IFNLR1: variants seen among roughly 807,000 people sequenced by gnomAD.
IFNLR1 encodes the protein CRF2-12.
IFNLR1 carries 28 observed loss-of-function variants against 52.5 expected under a neutral mutation model. The observed-to-expected ratio is 0.53, with a 90% CI of 0.40 to 0.73. The LOEUF is 0.73. Among genes scored for constraint, IFNLR1 ranks in the 30% least tolerant of loss-of-function variants. IFNLR1 has a pLI of 0.00. For missense variants in IFNLR1, 623 were observed against 659.1 expected, an observed-to-expected ratio of 0.95 and a Z score of 0.60; for synonymous variants, 276 against 274.9, an observed-to-expected ratio of 1.00 and a Z score of -0.04.
chr1:24,161,039 T>A (rs899329313), intron 4 of IFNLR1, among the ~76,000 whole-genome samples: 5 of 152,294 alleles, frequency 3.3e-5, no homozygotes, highest in African/African-American at 9.6e-5. Flanking sequence ...TAAACAGTTT[T>A]ACTGGAACCC....
At chr1:24,173,093 C>A (rs1569674320) in intron 2 of IFNLR1, among the ~76,000 whole-genome samples, 1 of 140,974 alleles carries the variant, frequency 7.1e-6, no homozygotes, top group Admixed American at 7.6e-5. Context: ...ACCTGATATA[C>A]TGGATTTTAT....
intron 3 of IFNLR1, among the ~76,000 whole-genome samples, chr1:24,165,330 T>C (rs554957396): frequency 1.3e-5 from 2 of 152,284 alleles, no homozygotes; most frequent in East Asian, 3.9e-4. Flanking sequence ...ACAGAACAAG[T>C]TTCTTCCTTT....
rs1644385104 is a variant in IFNLR1, at chr1:24,156,980, A to G, written c.*150T>C. Reference sequence around the variant, plus strand: ...GGGGCATCTTGTTGCTCAGCCCGACAGGCAAACAGCCGCTAGGTGGACTTC... The same window carrying G: ...GGGGCATCTTGTTGCTCAGCCCGACGGGCAAACAGCCGCTAGGTGGACTTC... On this transcript the variant is annotated 3_prime_UTR_variant, in exon 7 of 7. Coordinates refer to ENST00000327535, the MANE Select transcript of IFNLR1 (RefSeq NM_170743.4). The G allele has an allele frequency of 2.4e-6, 2 of 826,396 alleles. No homozygotes were observed. The highest frequency in any genetic ancestry group is 3.8e-6 in the Non-Finnish European group (2 of 524,874). 51.2% of individuals were successfully genotyped at this position (826,396 alleles called of 1,614,324 possible).
chr1:24,181,540 C>G (rs999504673), intron 1 of IFNLR1, among the ~76,000 whole-genome samples: 6 of 152,244 alleles, frequency 3.9e-5, no homozygotes, highest in African/African-American at 1.2e-4. Flanking sequence ...CAAGCTCTCA[C>G]TTTCTTTTTG....
At chr1:24,180,628 G>C in intron 2 of IFNLR1, 103 bp downstream of exon 2, 1 of 1,159,332 alleles carries the variant, frequency 8.6e-7, no homozygotes, top group Non-Finnish European at 1.2e-6. Context: ...CAGAGAGCTA[G>C]CCAGTGCTGC....
At chr1:24,177,365 C>T (rs114509955) in intron 2 of IFNLR1, among the ~76,000 whole-genome samples, 4,199 of 152,298 alleles carry the variant, frequency 0.028, 186 homozygotes, top group African/African-American at 0.096. Flanking sequence ...AAAGTGCAGC[C>T]TTCAGTCTGT....
chr1:24,182,123 C>T lies in IFNLR1; in HGVS notation c.59-1269G>A, dbSNP rs1318566814. Among the ~76,000 whole-genome samples, 7 of 151,664 alleles carry T rather than the reference C, an allele frequency of 4.6e-5. No homozygotes were observed. The East Asian group carries it at 9.7e-4, about 21-fold the overall frequency. ...GCTGAGGCACGAGAATTGCTTGAAC[C>T]CAGGAGGACGAGGTTGCAGTGAGCT... On this transcript the variant is annotated intron_variant, in intron 1 of 6. Transcript: ENST00000327535.
intron 3 of IFNLR1, among the ~76,000 whole-genome samples, chr1:24,162,986 A>T (rs1374126552): frequency 2.7e-5 from 3 of 110,846 alleles, no homozygotes; most frequent in Non-Finnish European, 5.2e-5. Context: ...TTTGAGACAG[A>T]GTCTTGCTCT....
At chr1:24,169,274 T>C (rs1644552663) in intron 3 of IFNLR1, 143 bp downstream of exon 3, 2 of 732,198 alleles carry the variant, frequency 2.7e-6, no homozygotes, top group South Asian at 1.9e-5. Context: ...ACACCCCATC[T>C]CAAAGGGCCT....
intron 2 of IFNLR1, among the ~76,000 whole-genome samples, chr1:24,170,149 T>C (rs1356201365): frequency 1.3e-5 from 2 of 152,196 alleles, no homozygotes; most frequent in Admixed American, 6.6e-5. Flanking sequence ...AGGCACCATC[T>C]TGGAAGCAGA....
chr1:24,178,899 A>ATTTTACAACCCCCACAGTTGT (rs1553163358), intron 2 of IFNLR1, among the ~76,000 whole-genome samples: 14,733 of 152,104 alleles, frequency 0.097, 1,975 homozygotes, highest in African/African-American at 0.3. Context: ...GAATATCACC[A>ATTTTACAACCCCCACAGTTGT]TTCTAATGTA....
At chr1:24,165,310 T>C (rs774741864) in intron 3 of IFNLR1, among the ~76,000 whole-genome samples, 8 of 152,222 alleles carry the variant, frequency 5.3e-5, no homozygotes, top group Non-Finnish European at 8.8e-5. Flanking sequence ...CTGCTAAGCT[T>C]TCTGCCAGTA....
Position 24,155,163 on chromosome 1 carries a change from AC to A in IFNLR1, c.*1966del, listed in dbSNP as rs1217561783. The stretch of plus-strand genomic sequence containing the variant: ...GGGCTCAATCATCTGGACAAGCCTC[AC>A]TGCAGGGAAAACCCCTGGGGAGACA... On this transcript the variant is annotated 3_prime_UTR_variant, in exon 7 of 7. Coordinates refer to ENST00000327535, the MANE Select transcript of IFNLR1 (RefSeq NM_170743.4). 1 of 151,890 alleles carries A rather than the reference AC, an allele frequency of 6.6e-6. No homozygotes were observed. Among genetic ancestry groups the A allele is most frequent in the Admixed American group, 6.6e-5 (1 of 15,246 alleles). 9.4% of individuals were successfully genotyped at this position (151,890 alleles called of 1,614,324 possible).
At chr1:24,158,868 T>C (rs1644409364) in intron 6 of IFNLR1, 184 bp downstream of exon 6, 1 of 685,400 alleles carries the variant, frequency 1.5e-6, no homozygotes, top group Non-Finnish European at 2.5e-6. Context: ...CAGGGCCTGT[T>C]TGCCATTTTA....
intron 1 of IFNLR1, among the ~76,000 whole-genome samples, 194 bp downstream of exon 1, chr1:24,186,997 G>A (rs938858911): frequency 6.6e-6 from 1 of 152,236 alleles, no homozygotes; most frequent in Non-Finnish European, 1.5e-5. Context: ...TCCTGCGGGA[G>A]AGGAATATCA....
intron 3 of IFNLR1, among the ~76,000 whole-genome samples, chr1:24,162,962 C>CATT (rs1644479526): frequency 1.1e-5 from 1 of 89,410 alleles, no homozygotes; most frequent in Non-Finnish European, 2.2e-5. Flanking sequence ...TTTCTTTCCT[C>CATT]TTTTTTTTTT....
At chr1:24,180,682 A>ACCC in intron 2 of IFNLR1, 49 bp downstream of exon 2, 2 of 276,678 alleles carry the variant, frequency 7.2e-6, no homozygotes, top group South Asian at 2.9e-5. Flanking sequence ...TCCAGCCCCC[A>ACCC]CCCACCCCCT....
At chr1:24,168,065 C>G (rs1644538125) in intron 3 of IFNLR1, among the ~76,000 whole-genome samples, 1 of 152,092 alleles carries the variant, frequency 6.6e-6, no homozygotes, top group South Asian at 2.1e-4. Context: ...GACTAACATA[C>G]TTCCTATCCT....
chr1:24,177,347 G>T lies in IFNLR1; in HGVS notation c.182+3384C>A, dbSNP rs1644643279. On this transcript the variant is annotated intron_variant, in intron 2 of 6. Coordinates refer to ENST00000327535, the MANE Select transcript of IFNLR1 (RefSeq NM_170743.4). ...CCGAATCTGAAACCCTCAAAACCAGGGAAGCTGAAAGTGCAGCCTTCAGTC... is the reference window on the plus strand; with the variant it reads ...CCGAATCTGAAACCCTCAAAACCAGTGAAGCTGAAAGTGCAGCCTTCAGTC... Among the ~76,000 whole-genome samples, 4 of 152,252 alleles carry T rather than the reference G, an allele frequency of 2.6e-5. No homozygotes were observed. The South Asian group carries it at 8.3e-4, about 32-fold the overall frequency.
Sources: allele counts gnomAD v4.1 joint callset (sites outside exome capture counted in the v4.1 genomes callset), GRCh38; gene constraint gnomAD v4.1.1; transcripts MANE v1.5; gene names NCBI Gene and HGNC (gene_info 2026-07-23, HGNC 2026-07-21).